CHERP: variants seen among roughly 807,000 people sequenced by gnomAD.
CHERP encodes the protein ERPROT 213-21.
A neutral mutation model predicts 113.8 loss-of-function variants in CHERP; 8 were observed. The ratio of observed to expected loss-of-function variants is 0.07; its 90% CI spans 0.04 to 0.13. The LOEUF (loss-of-function observed/expected upper bound fraction) is 0.13, where lower values mean the gene tolerates loss of function less well. Ranked by LOEUF, CHERP falls within the 10% of genes least tolerant of loss-of-function variation. The pLI, the probability that CHERP is intolerant of heterozygous loss-of-function variation, is 1.00. For missense variants in CHERP, 884 were observed against 1,298.2 expected (o/e 0.68, Z 4.90); for synonymous variants, 559 against 524.5 (o/e 1.07, Z -0.90).
At position 16,542,429 on chromosome 19, in the gene CHERP, G is replaced by T; in HGVS notation, c.-51C>A. 4.6e-6 allele frequency: 6 copies of T among 1,314,086 alleles called. No individual in the cohort carries two copies. Among genetic ancestry groups the T allele is most frequent in the Non-Finnish European group, 5.9e-6 (6 of 1,024,250 alleles). The allele number at this position is 1,314,086 out of a possible 1,614,324, so 81.4% of individuals were successfully genotyped here. On this transcript the variant is annotated 5_prime_UTR_variant, in exon 1 of 17. Transcript: ENST00000546361. ...CGGCGCCACACGATCGACCACCAGC[G>T]CCGTCTGCGGAAGCCGGCCGGAAGT...
Position 16,523,821 on chromosome 19 carries a change from C to T in CHERP, c.1742-531G>A, listed in dbSNP as rs1314975828. Reference sequence around the variant, plus strand: ...CACCTCCACCTTGGACCTCCAGCCCCCAGATCCTTAAGACAATACATTCCA... The same window carrying T: ...CACCTCCACCTTGGACCTCCAGCCCTCAGATCCTTAAGACAATACATTCCA... On this transcript the variant is annotated intron_variant, in intron 10 of 16. Coordinates refer to ENST00000546361, the MANE Select transcript of CHERP (RefSeq NM_006387.6). This position sits in a 1 kb window ranked among gnomAD's most constrained non-coding sequence, Gnocchi z 4.0. Among the ~76,000 whole-genome samples, 1 of 152,222 alleles carries T rather than the reference C, an allele frequency of 6.6e-6. No individual in the cohort carries two copies. The highest frequency in any genetic ancestry group is 1.9e-4 in the East Asian group (1 of 5,202).
chr19:16,524,947 A>G (rs1158893621), intron 10 of CHERP, among the ~76,000 whole-genome samples: 1 of 152,116 alleles, frequency 6.6e-6, no homozygotes, highest in Non-Finnish European at 1.5e-5. Flanking sequence ...AACAAGCAGC[A>G]GCAGTAAAAA....
chr19:16,528,140 T>C lies in CHERP; in HGVS notation c.1245A>G (p.Pro415=), dbSNP rs2085669041. ...PRGPGPHDQI[P]PNKPPWFDQP... is the part of the protein sequence containing the mutation. ...GGTCAAACCAAGGGGGCTTGTTTGG[T>C]GGGATCTGGTCGTGTGGCCCGGGGC... The change falls in exon 9 of 17, where the codon CCA becomes CCG. Residue 415 remains proline, a synonymous_variant. Transcript: ENST00000546361. The C allele has an allele frequency of 2.5e-6, 4 of 1,613,608 alleles. No individual in the cohort carries two copies. Among genetic ancestry groups the C allele is most frequent in the Non-Finnish European group, 3.4e-6 (4 of 1,179,916 alleles).
At chr19:16,531,199 A>G (rs2085701092) in intron 5 of CHERP, among the ~76,000 whole-genome samples, 3 of 152,180 alleles carry the variant, frequency 2.0e-5, no homozygotes, top group Admixed American at 6.5e-5. Context: ...GTGAAGGGAT[A>G]TGGGCCGGCG....
At chr19:16,537,159 T>G (rs1420552010) in intron 2 of CHERP, among the ~76,000 whole-genome samples, 2 of 152,034 alleles carry the variant, frequency 1.3e-5, no homozygotes, top group Non-Finnish European at 1.5e-5. Context: ...TGGTGCCTGC[T>G]TGCCACTCCC....
At position 16,521,601 on chromosome 19, in the gene CHERP, G is replaced by C. The variant is rs765549216; in HGVS notation, c.2034C>G (p.Pro678=). 2.5e-6 allele frequency: 4 copies of C among 1,610,032 alleles called. No individual in the cohort carries two copies. Among genetic ancestry groups the C allele is most frequent in the Non-Finnish European group, 3.4e-6 (4 of 1,178,296 alleles). ...PLDPKDIRLP[P]PMPPSERLLA... ...GCAGCCTCTCGCTGGGCGGCATGGG[G>C]GGTGGGAGGCGGATGTCTTTAGGGT... Residue 678 remains proline (P), a synonymous_variant, in exon 12 of 17, where the codon CCC becomes CCG. Transcript: ENST00000546361.
In CHERP at chr19:16,542,211, C is replaced by G. The variant is rs575722690; in HGVS notation, c.25+143G>C. 134 of 1,058,690 alleles carry G rather than the reference C, an allele frequency of 1.3e-4. No homozygotes were observed. The Middle Eastern group carries it at 2.1e-3, about 16-fold the overall frequency. The allele number at this position is 1,058,690 out of a possible 1,614,324, so 65.6% of individuals were successfully genotyped here. On this transcript the variant is annotated intron_variant, in intron 1 of 16. Transcript: ENST00000546361. Reference sequence around the variant, plus strand: ...AGGGGCCACACGCTCGCCGGGAATGCGGGGACCCACGGGAGAGGCCGCAGG... The same window carrying G: ...AGGGGCCACACGCTCGCCGGGAATGGGGGGACCCACGGGAGAGGCCGCAGG...
At chr19:16,536,043 C>T (rs970854881) in intron 2 of CHERP, among the ~76,000 whole-genome samples, 1 of 152,218 alleles carries the variant, frequency 6.6e-6, no homozygotes, top group Admixed American at 6.5e-5. Context: ...CACTCCCTGA[C>T]CTCTGCCACT....
Position 16,525,157 on chromosome 19 carries a change from G to A in CHERP, c.1741+85C>T. 4 of 1,255,848 alleles carry A rather than the reference G, an allele frequency of 3.2e-6. No individual in the cohort carries two copies. The highest frequency in any genetic ancestry group is 3.1e-6 in the Non-Finnish European group (3 of 955,384). The allele number at this position is 1,255,848 out of a possible 1,614,324, so 77.8% of individuals were successfully genotyped here. A position where few individuals can be genotyped will look rare whatever the true frequency, so the allele number is the denominator to read the frequency against. ...TCACTGTGCACTCAGGAGCATGGCA[G>A]GGCCACAAGCAGCGCCACCAGCCTG... On this transcript the variant is annotated intron_variant, in intron 10 of 16. Transcript: ENST00000546361. This position sits in a 1 kb window ranked among gnomAD's most constrained non-coding sequence, Gnocchi z 6.5.
rs558718637 is a variant in CHERP at position 16,518,080 on chromosome 19, G to C, written c.*1079C>G. 6.6e-6 allele frequency: 1 copy of C among 152,034 alleles called. No homozygotes were observed. The highest frequency in any genetic ancestry group is 2.4e-5 in the African/African-American group (1 of 41,410). 9.4% of individuals were successfully genotyped at this position (152,034 alleles called of 1,614,324 possible). A position where few individuals can be genotyped will look rare whatever the true frequency, so the allele number is the denominator to read the frequency against. On this transcript the variant is annotated 3_prime_UTR_variant, in exon 17 of 17. Transcript: ENST00000546361. Reference sequence around the variant, plus strand: ...GGAAGATTTTGCATCTTATTGAAAAGAATTTTTCAAAAATGTTTCTGTACA... The same window carrying C: ...GGAAGATTTTGCATCTTATTGAAAACAATTTTTCAAAAATGTTTCTGTACA...
intron 5 of CHERP, among the ~76,000 whole-genome samples, chr19:16,531,798 A>G (rs545242664): frequency 6.6e-6 from 1 of 151,978 alleles, no homozygotes; most frequent in Admixed American, 6.5e-5. Context: ...GGGAGGCAAG[A>G]GGGACTCAGG....
rs2085639366 is a variant in CHERP, at chr19:16,523,916, T to G, written c.1742-626A>C. Among the ~76,000 whole-genome samples the G allele has an allele frequency of 6.6e-6, 1 of 152,204 alleles. No individual in the cohort carries two copies. The highest frequency in any genetic ancestry group is 2.1e-4 in the South Asian group (1 of 4,834). ...AGCCAAAAAGTAAAAGCAATAAATG[T>G]GCCAAGCGGTCTTCAAGCTGCATTT... On this transcript the variant is annotated intron_variant, in intron 10 of 16. Transcript: ENST00000546361. The surrounding 1 kb of genome is among the most constrained non-coding windows in gnomAD (Gnocchi z 4.0).
At chr19:16,522,501 C>A (rs192161005) in intron 11 of CHERP, among the ~76,000 whole-genome samples, 4 of 152,104 alleles carry the variant, frequency 2.6e-5, no homozygotes, top group Non-Finnish European at 1.5e-5. Context: ...CCTCGTGATC[C>A]GCCCGCCTCG....
In CHERP at chr19:16,531,052, G is replaced by C. The variant is rs377636527; in HGVS notation, c.675-172C>G. 5.2e-6 allele frequency: 6 copies of C among 1,144,658 alleles called. No homozygotes were observed. In the South Asian group the frequency reaches 6.3e-5, roughly 12 times the overall value. 70.9% of individuals were successfully genotyped at this position (1,144,658 alleles called of 1,614,324 possible). A position where few individuals can be genotyped will look rare whatever the true frequency, so the allele number is the denominator to read the frequency against. ...GAGACCTGTGCTGGTGCCTGGGCTC[G>C]AGGAAGGGACAGATGGAAAAACAGC... On this transcript the variant is annotated intron_variant, in intron 5 of 16. Transcript: ENST00000546361.
chr19:16,539,017 T>C (rs2085759210), intron 2 of CHERP, among the ~76,000 whole-genome samples: 1 of 152,130 alleles, frequency 6.6e-6, no homozygotes, highest in African/African-American at 2.4e-5. Context: ...CTGCCCTGTT[T>C]GCTCCCCTGC....
rs752059860 is a variant in CHERP, at chr19:16,520,381, G to A, written c.2328C>T (p.Tyr776=). Residue 776 remains tyrosine, a synonymous_variant, in exon 14 of 17, where the codon TAC becomes TAT. Transcript: ENST00000546361. The surrounding 1 kb of genome is among the most constrained non-coding windows in gnomAD (Gnocchi z 4.0). ...RSRSRSCSRS[Y]SRSRSRSRSR... is the part of the protein sequence containing the mutation. ...CTGCCTACCTAGATCTGGAGCGGGA[G>A]TAGGAACGGGAGCAGGAGCGCGACC... 26 of 1,614,094 alleles carry A rather than the reference G, an allele frequency of 1.6e-5. No individual in the cohort carries two copies. The highest frequency in any genetic ancestry group is 2.1e-5 in the Non-Finnish European group (25 of 1,179,992).
intron 1 of CHERP, 71 bp downstream of exon 1, chr19:16,542,283 C>T: frequency 1.5e-6 from 2 of 1,320,332 alleles, no homozygotes; most frequent in South Asian, 1.8e-5. Flanking sequence ...CCGGGGACTC[C>T]GGGAGGCGGG....
At position 16,519,231 on chromosome 19, in the gene CHERP, G is replaced by C. The variant is rs201942283; in HGVS notation, c.2679C>G (p.Pro893=). The change falls in exon 17 of 17, where the codon CCC becomes CCG. Residue 893 remains proline (P), a synonymous_variant. Coordinates refer to ENST00000546361, the MANE Select transcript of CHERP (RefSeq NM_006387.6). This position sits in a 1 kb window ranked among gnomAD's most constrained non-coding sequence, Gnocchi z 6.0. ...TCTTGTTCCTGCGGTAGTTCTCATA[G>C]GGGTCATCCAGAGCCACGCCCACGC... ...YKGVGVALDD[P]YENYRRNKSY... The C allele has an allele frequency of 1.2e-6, 2 of 1,614,072 alleles. No homozygotes were observed. The highest frequency in any genetic ancestry group is 1.7e-6 in the Non-Finnish European group (2 of 1,180,038).
At chr19:16,538,155 G>A (rs931616886) in intron 2 of CHERP, among the ~76,000 whole-genome samples, 2 of 151,586 alleles carry the variant, frequency 1.3e-5, no homozygotes, top group African/African-American at 2.4e-5. Flanking sequence ...CCAGGTCCCC[G>A]ACTCCTCCCC....
Sources: allele counts gnomAD v4.1 joint callset (sites outside exome capture counted in the v4.1 genomes callset), GRCh38; gene constraint gnomAD v4.1.1; non-coding constraint Gnocchi (gnomAD v3.1); transcripts MANE v1.5; gene names NCBI Gene and HGNC (gene_info 2026-07-23, HGNC 2026-07-21).